IL1RAPL1: variants seen among roughly 807,000 people sequenced by gnomAD.
IL1RAPL1 encodes the protein interleukin 1 receptor accessory protein like 1, also known as interleukin-1 receptor accessory protein-like 1.
IL1RAPL1 carries 3 observed loss-of-function variants against 48.4 expected under a neutral mutation model. The observed-to-expected ratio is 0.06, with a 90% CI of 0.03 to 0.16. The LOEUF is 0.16. Ranked by LOEUF, IL1RAPL1 falls within the 10% of genes least tolerant of loss-of-function variation. The pLI is 1.00. For missense variants in IL1RAPL1, 349 were observed against 530.6 expected (o/e 0.66, Z 3.36); for synonymous variants, 185 against 187.7 (o/e 0.99, Z 0.12).
intron 5 of IL1RAPL1, among the ~76,000 whole-genome samples, chrX:29,559,691 T>C (rs1026313124): frequency 9.0e-6 from 1 of 111,053 alleles, no homozygotes; most frequent in Admixed American, 9.6e-5. Flanking sequence ...TTTTTTTCAT[T>C]GTGGTTACCA....
intron 2 of IL1RAPL1, among the ~76,000 whole-genome samples, chrX:29,233,558 G>A (rs191322538): frequency 1.0e-3 from 113 of 110,943 alleles, no homozygotes; most frequent in African/African-American, 3.3e-3. Flanking sequence ...GGATTATGAG[G>A]TCAGGTCCTG....
intron 2 of IL1RAPL1, among the ~76,000 whole-genome samples, chrX:29,142,073 T>C (rs1929254650): frequency 8.9e-6 from 1 of 112,270 alleles, no homozygotes; most frequent in South Asian, 3.7e-4. Context: ...AGATAACCTT[T>C]GATTTTTATA....
At chrX:29,023,082 C>A (rs766074726) in intron 2 of IL1RAPL1, among the ~76,000 whole-genome samples, 1 of 111,851 alleles carries the variant, frequency 8.9e-6, no homozygotes, top group South Asian at 3.7e-4. Context: ...GGGCAGTTGA[C>A]GCTACCATGA....
chrX:28,939,254 T>A (rs1006004903), intron 2 of IL1RAPL1, among the ~76,000 whole-genome samples: 2 of 110,984 alleles, frequency 1.8e-5, no homozygotes, highest in African/African-American at 6.5e-5. Context: ...GCAGCAGTAT[T>A]CACAATAGCA....
chrX:28,836,867 G>A (rs1921234279), intron 2 of IL1RAPL1, among the ~76,000 whole-genome samples: 1 of 108,320 alleles, frequency 9.2e-6, no homozygotes, highest in African/African-American at 3.4e-5. Context: ...ACTGTTCTTA[G>A]GTTTCTTGCC....
At chrX:29,174,301 A>ATG (rs1929966198) in intron 2 of IL1RAPL1, among the ~76,000 whole-genome samples, 3 of 112,225 alleles carry the variant, frequency 2.7e-5, no homozygotes, top group Non-Finnish European at 3.8e-5. Context: ...GAATGTGCAG[A>ATG]AAAATTGCTG....
chrX:29,853,212 C>T (rs941643900), intron 6 of IL1RAPL1, among the ~76,000 whole-genome samples: 8 of 103,902 alleles, frequency 7.7e-5, no homozygotes, highest in Non-Finnish European at 1.6e-4. Flanking sequence ...AAAAAAAACA[C>T]GGCCAGGTGC....
chrX:29,734,639 T>C (rs1010563678), intron 6 of IL1RAPL1, among the ~76,000 whole-genome samples: 1 of 112,370 alleles, frequency 8.9e-6, no homozygotes, highest in Admixed American at 9.4e-5. Flanking sequence ...TGATAAGCTA[T>C]CTCATCAGTG....
At chrX:29,795,222 C>T (rs1020792790) in intron 6 of IL1RAPL1, among the ~76,000 whole-genome samples, 18 of 111,637 alleles carry the variant, frequency 1.6e-4, no homozygotes, top group African/African-American at 5.5e-4. Context: ...CTATATCTAT[C>T]TATTACATAT....
At chrX:29,184,718 C>T (rs1043216104) in intron 2 of IL1RAPL1, among the ~76,000 whole-genome samples, 1 of 110,914 alleles carries the variant, frequency 9.0e-6, no homozygotes, top group Non-Finnish European at 1.9e-5. Flanking sequence ...CCAGGCTGGT[C>T]TCGAACTCCT....
rs914676139 is a variant in IL1RAPL1 at position 29,248,549 on chromosome X, T to A, written c.83-34389T>A. ...TGCACATATGATATGAATAGACAAC[T>A]CATAGGAAAGGAAATTCAATTGACT... On this transcript the variant is annotated intron_variant, in intron 2 of 10. Transcript: ENST00000378993. Among the ~76,000 whole-genome samples, 9 of 112,396 alleles carry A rather than the reference T, an allele frequency of 8.0e-5. No individual in the cohort carries two copies. The East Asian group carries it at 2.5e-3, about 31-fold the overall frequency.
chrX:29,158,883 C>A (rs1316607112), intron 2 of IL1RAPL1, among the ~76,000 whole-genome samples: 3 of 98,884 alleles, frequency 3.0e-5, no homozygotes, highest in Non-Finnish European at 5.9e-5. Flanking sequence ...GGATAAACAA[C>A]CTCTTTCTTT....
At chrX:29,634,725 A>T (rs1040478440) in intron 5 of IL1RAPL1, among the ~76,000 whole-genome samples, 1 of 111,972 alleles carries the variant, frequency 8.9e-6, no homozygotes, top group Non-Finnish European at 1.9e-5. Context: ...ATCCTTCTGC[A>T]CACAAAGCTT....
chrX:29,522,146 A>T (rs755993899), intron 5 of IL1RAPL1, among the ~76,000 whole-genome samples: 2 of 110,784 alleles, frequency 1.8e-5, no homozygotes, highest in South Asian at 3.9e-4. Flanking sequence ...ATTTATTTTT[A>T]ATTTATTTTT....
At chrX:28,702,976 CATA>C (rs1253055038) in intron 1 of IL1RAPL1, among the ~76,000 whole-genome samples, 4 of 111,282 alleles carry the variant, frequency 3.6e-5, no homozygotes, top group Non-Finnish European at 5.7e-5. Flanking sequence ...CAGTTCTTAT[CATA>C]ATAAGACTGT....
intron 6 of IL1RAPL1, among the ~76,000 whole-genome samples, chrX:29,750,994 C>G (rs1252626203): frequency 9.0e-6 from 1 of 111,629 alleles, no homozygotes; most frequent in Non-Finnish European, 1.9e-5. Flanking sequence ...TTGCTAAAAG[C>G]TATACATGAA....
In IL1RAPL1 at chrX:29,803,100, T is replaced by C. The variant is rs193160682; in HGVS notation, c.779-114364T>C. Among the ~76,000 whole-genome samples the C allele has an allele frequency of 4.4e-3, 385 of 87,487 alleles. 15 individuals are homozygous for C. The highest frequency in any genetic ancestry group is 0.016 in the African/African-American group (345 of 20,999). The allele number at this position is 87,487 out of a possible 115,157, so 76.0% of individuals were successfully genotyped here. On this transcript the variant is annotated intron_variant, in intron 6 of 10. Transcript: ENST00000378993. ...ACATATATGTGTATATGTATACATG[T>C]ATACATATATGTATATATGTGTATA...
Position 29,702,230 on chromosome X carries a change from G to A in IL1RAPL1, c.778+33726G>A, listed in dbSNP as rs376750232. Among the ~76,000 whole-genome samples the A allele has an allele frequency of 2.8e-5, 3 of 106,568 alleles. No homozygotes were observed. The East Asian group carries it at 8.8e-4, about 31-fold the overall frequency. 92.5% of individuals were successfully genotyped at this position (106,568 alleles called of 115,157 possible). A position where few individuals can be genotyped will look rare whatever the true frequency, so the allele number is the denominator to read the frequency against. ...GATTGCGCCACTGCACTCCAGCCTC[G>A]GCAACAGGGCGAGACTCTGTCAAAA... On this transcript the variant is annotated intron_variant, in intron 6 of 10. Transcript: ENST00000378993.
chrX:28,740,615 A>G (rs1569162582), intron 1 of IL1RAPL1, among the ~76,000 whole-genome samples: 2 of 110,430 alleles, frequency 1.8e-5, no homozygotes, highest in Non-Finnish European at 3.8e-5. Context: ...CCAGGTAGTG[A>G]GCTTATTACC....
Sources: gnomAD v4.1 joint callset for allele counts (sites outside exome capture counted in the v4.1 genomes callset) on GRCh38, gnomAD v4.1.1 for gene constraint, MANE v1.5 for transcripts, NCBI Gene and HGNC (gene_info 2026-07-23, HGNC 2026-07-21) for gene names.